The following SAMD14 variants were observed in gnomAD, a reference collection of about 807,000 sequenced individuals.
The protein encoded by SAMD14 is sterile alpha motif domain containing 14, also known as sterile alpha motif domain-containing protein 14.
Under a neutral mutation model 46.2 loss-of-function variants are expected in SAMD14, and 27 were observed. That is an observed-to-expected ratio of 0.58 (90% CI 0.43 to 0.81). The LOEUF is 0.81. Among genes scored for constraint, SAMD14 ranks in the 30% least tolerant of loss-of-function variants. SAMD14 has a pLI of 0.00. For missense variants in SAMD14, 559 were observed against 582.2 expected, an observed-to-expected ratio of 0.96 and a Z score of 0.41; for synonymous variants, 241 against 254.3, an observed-to-expected ratio of 0.95 and a Z score of 0.50.
At chr17:50,126,273 A>G (rs1330139082) in intron 1 of SAMD14, among the ~76,000 whole-genome samples, 3 of 151,130 alleles carry the variant, frequency 2.0e-5, no homozygotes, top group Non-Finnish European at 2.9e-5. Context: ...TTACATAGAC[A>G]TCATCTACCT....
At chr17:50,120,704 A>G (rs1029936046) in intron 2 of SAMD14, among the ~76,000 whole-genome samples, 3 of 152,222 alleles carry the variant, frequency 2.0e-5, no homozygotes, top group African/African-American at 7.2e-5. Context: ...CGCCTGGCTC[A>G]TCCTCACACA....
chr17:50,116,111 G>A, intron 4 of SAMD14, 21 bp from the exon 5 acceptor site: 1 of 1,602,778 alleles, frequency 6.2e-7, no homozygotes, highest in Non-Finnish European at 8.5e-7. Flanking sequence ...AGAGAAGGAA[G>A]GAAACTGCCT....
In SAMD14 at chr17:50,112,775, G is replaced by T; in HGVS notation, c.*118C>A. 8.3e-7 allele frequency: 1 copy of T among 1,206,046 alleles called. No homozygotes were observed. The highest frequency in any genetic ancestry group is 1.1e-6 in the Non-Finnish European group (1 of 871,720). The allele number at this position is 1,206,046 out of a possible 1,614,324, so 74.7% of individuals were successfully genotyped here. A position where few individuals can be genotyped will look rare whatever the true frequency, so the allele number is the denominator to read the frequency against. On this transcript the variant is annotated 3_prime_UTR_variant, in exon 10 of 10. Coordinates refer to ENST00000330175, the MANE Select transcript of SAMD14 (RefSeq NM_001257359.2). ...GGGTAAGAGAGAGCATGTCCCCCCT[G>T]AGAGCGTGGGACCAGGCTAGCCCAA...
chr17:50,123,426 C>T (rs1172844041), intron 2 of SAMD14: 1 of 152,370 alleles, frequency 6.6e-6, no homozygotes. Context: ...CTGGCATCCT[C>T]TACCCTTCTG....
Position 50,112,766 on chromosome 17 carries a change from GT to G in SAMD14, c.*126del, listed in dbSNP as rs1910921023. On this transcript the variant is annotated 3_prime_UTR_variant, in exon 10 of 10. Transcript: ENST00000330175. ...CAAGTGACAGGGTAAGAGAGAGCAT[GT>G]CCCCCCTGAGAGCGTGGGACCAGGC... The G allele has an allele frequency of 2.2e-5, 24 of 1,110,722 alleles. No individual in the cohort carries two copies. In the Middle Eastern group the frequency reaches 9.2e-4, roughly 43 times the overall value. 68.8% of individuals were successfully genotyped at this position (1,110,722 alleles called of 1,614,324 possible).
Position 50,112,892 on chromosome 17 carries a change from C to T in SAMD14, c.*1G>A. ...GGGTGCCAGCGCCTGTGCACCCTCCCCTAGCTCTTCTTGGCCTCCTGCTCT... is the reference window on the plus strand; with the variant it reads ...GGGTGCCAGCGCCTGTGCACCCTCCTCTAGCTCTTCTTGGCCTCCTGCTCT... On this transcript the variant is annotated 3_prime_UTR_variant, in exon 10 of 10. Transcript: ENST00000330175. 1 of 1,603,706 alleles carries T rather than the reference C, an allele frequency of 6.2e-7. No homozygotes were observed. Among genetic ancestry groups the T allele is most frequent in the South Asian group, 1.1e-5 (1 of 91,008 alleles).
At chr17:50,118,353 G>T in intron 2 of SAMD14, 26 bp from the exon 3 acceptor site, 2 of 1,607,052 alleles carry the variant, frequency 1.2e-6, no homozygotes, top group South Asian at 1.1e-5. Context: ...GGGGAGCAGA[G>T]ACCAGACACA....
chr17:50,116,103 AGAAG>A lies in SAMD14; in HGVS notation c.500-17_500-14del. On this transcript the variant is annotated splice_polypyrimidine_tract_variant and intron_variant, in intron 4 of 9. Transcript: ENST00000330175. ...TCACGGCTGTCATCTTTCCAGGGAG[AGAAG>A]GAAGGAAACTGCCTGTTTGCTGCCC... is the stretch of plus-strand genomic sequence containing the variant. The A allele has an allele frequency of 6.2e-7, 1 of 1,607,746 alleles. No homozygotes were observed. Among genetic ancestry groups the A allele is most frequent in the Non-Finnish European group, 8.5e-7 (1 of 1,175,436 alleles).
At chr17:50,119,016 G>C (rs1911379651) in intron 2 of SAMD14, among the ~76,000 whole-genome samples, 1 of 152,212 alleles carries the variant, frequency 6.6e-6, no homozygotes, top group Admixed American at 6.5e-5. Flanking sequence ...GGGGACACTG[G>C]CTTGCTGTGC....
intron 1 of SAMD14, among the ~76,000 whole-genome samples, chr17:50,128,638 G>A (rs563969719): frequency 1.3e-5 from 2 of 152,336 alleles, no homozygotes; most frequent in East Asian, 3.9e-4. Context: ...CTGGGAGAAA[G>A]GGAGGCAGGT....
At chr17:50,128,514 C>CACACA (rs1555563464) in intron 1 of SAMD14, among the ~76,000 whole-genome samples, 194 of 137,418 alleles carry the variant, frequency 1.4e-3, no homozygotes, top group African/African-American at 2.7e-3. Context: ...ACACACACAC[C>CACACA]CCCATTCAGC....
intron 1 of SAMD14, among the ~76,000 whole-genome samples, chr17:50,126,649 T>C (rs1911788624): frequency 2.0e-5 from 3 of 152,026 alleles, no homozygotes; most frequent in South Asian, 2.1e-4. Context: ...ATCGCCACTT[T>C]ACAGATGTGA....
In SAMD14 at chr17:50,112,082, G is replaced by A. The variant is rs1474320559; in HGVS notation, c.*811C>T. On this transcript the variant is annotated 3_prime_UTR_variant, in exon 10 of 10. Coordinates refer to ENST00000330175, the MANE Select transcript of SAMD14 (RefSeq NM_001257359.2). ...TCCTGTTTGCTCAGCTCCCAAAGAGGACTTAGGTGCCCTCTGAGGAAGCAG... is the reference window on the plus strand; with the variant it reads ...TCCTGTTTGCTCAGCTCCCAAAGAGAACTTAGGTGCCCTCTGAGGAAGCAG... The A allele has an allele frequency of 6.6e-6, 1 of 152,312 alleles. No homozygotes were observed. The highest frequency in any genetic ancestry group is 1.5e-5 in the Non-Finnish European group (1 of 68,152). 9.4% of individuals were successfully genotyped at this position (152,312 alleles called of 1,614,324 possible). A position where few individuals can be genotyped will look rare whatever the true frequency, so the allele number is the denominator to read the frequency against.
chr17:50,113,621 CAT>C (rs1910996418), intron 9 of SAMD14: 2 of 419,374 alleles, frequency 4.8e-6, no homozygotes, highest in Non-Finnish European at 8.8e-6. Context: ...CCAGGACACT[CAT>C]ATGCATCAAG....
chr17:50,124,873 A>G (rs1456459986), intron 2 of SAMD14, 44 bp downstream of exon 2: 1 of 1,599,788 alleles, frequency 6.3e-7, no homozygotes, highest in African/African-American at 1.3e-5. Flanking sequence ...GAAGTACTCT[A>G]TGGCTGTGTC....
At position 50,110,375 on chromosome 17, in the gene SAMD14, A is replaced by C; in HGVS notation, c.*2518T>G. On this transcript the variant is annotated 3_prime_UTR_variant, in exon 10 of 10. Transcript: ENST00000330175. The stretch of plus-strand genomic sequence containing the variant: ...TGGGGTGTCCCAGAGACATTTTCCC[A>C]TGGCAGTCCTCCTCTCTGAGACCAG... The C allele has an allele frequency of 3.3e-6, 1 of 298,928 alleles. No homozygotes were observed. 18.5% of individuals were successfully genotyped at this position (298,928 alleles called of 1,614,324 possible).
rs371203768 is a variant in SAMD14 at position 50,110,146 on chromosome 17, C to T, written c.*2747G>A. The T allele has an allele frequency of 2.6e-6, 4 of 1,523,252 alleles. No homozygotes were observed. Among genetic ancestry groups the T allele is most frequent in the Non-Finnish European group, 3.5e-6 (4 of 1,128,498 alleles). 94.4% of individuals were successfully genotyped at this position (1,523,252 alleles called of 1,614,324 possible). A position where few individuals can be genotyped will look rare whatever the true frequency, so the allele number is the denominator to read the frequency against. On this transcript the variant is annotated 3_prime_UTR_variant, in exon 10 of 10. Transcript: ENST00000330175. ...AGAGGACGGACTGCCGCCTCTGGGT[C>T]CCCCCACCGTGGTGCCCCTCACCAT...
chr17:50,118,530 G>A (rs565202607), intron 2 of SAMD14, among the ~76,000 whole-genome samples: 1 of 152,334 alleles, frequency 6.6e-6, no homozygotes, highest in South Asian at 2.1e-4. Flanking sequence ...CAGAAATGCC[G>A]GCGCTAAAAT....
chr17:50,115,466 C>T lies in SAMD14; in HGVS notation c.822+98G>A. 1 of 1,313,982 alleles carries T rather than the reference C, an allele frequency of 7.6e-7. No individual in the cohort carries two copies. 81.4% of individuals were successfully genotyped at this position (1,313,982 alleles called of 1,614,324 possible). On this transcript the variant is annotated intron_variant, in intron 7 of 9. Coordinates refer to ENST00000330175, the MANE Select transcript of SAMD14 (RefSeq NM_001257359.2). This position sits in a 1 kb window ranked among gnomAD's most constrained non-coding sequence, Gnocchi z 5.3. ...GCTCCATGGATGGACAAATTGATTC[C>T]AGGAATGTCTGAATCCCAGCCTGAG... is the stretch of plus-strand genomic sequence containing the variant.
Sources: gnomAD v4.1 joint callset for allele counts (sites outside exome capture counted in the v4.1 genomes callset) on GRCh38, gnomAD v4.1.1 for gene constraint, Gnocchi (gnomAD v3.1) non-coding constraint, MANE v1.5 for transcripts, NCBI Gene and HGNC (gene_info 2026-07-23, HGNC 2026-07-21) for gene names.